ZDHHC14: variants seen among roughly 807,000 people sequenced by gnomAD.
The protein encoded by ZDHHC14 is zDHHC palmitoyltransferase 14.
ZDHHC14 carries 16 observed loss-of-function variants against 47.7 expected under a neutral mutation model. The ratio of observed to expected loss-of-function variants is 0.34; its 90% CI spans 0.23 to 0.51. The LOEUF (loss-of-function observed/expected upper bound fraction) is 0.51, where lower values mean the gene tolerates loss of function less well. Among genes scored for constraint, ZDHHC14 ranks in the 20% least tolerant of loss-of-function variants. ZDHHC14 has a pLI of 0.97. For synonymous variants in ZDHHC14, 293 were observed against 278.9 expected (o/e 1.05, Z -0.50); for missense variants, 515 against 662.5 (o/e 0.78, Z 2.44).
At chr6:157,401,247 T>C (rs143844748) in intron 1 of ZDHHC14, among the ~76,000 whole-genome samples, 4,693 of 152,308 alleles carry the variant, frequency 0.031, 79 homozygotes, top group Middle Eastern at 0.065. Context: ...AAAAAAAGCT[T>C]TTTTTTAGAA....
At chr6:157,642,565 A>G (rs992537629) in intron 5 of ZDHHC14, among the ~76,000 whole-genome samples, 2 of 152,176 alleles carry the variant, frequency 1.3e-5, no homozygotes, top group Non-Finnish European at 1.5e-5. Context: ...CACAACGGGG[A>G]CAAACTTTCT....
intron 8 of ZDHHC14, among the ~76,000 whole-genome samples, chr6:157,657,534 A>AGCC (rs1778156970): frequency 6.6e-6 from 1 of 152,110 alleles, no homozygotes; most frequent in Non-Finnish European, 1.5e-5. Flanking sequence ...CAGGCACATG[A>AGCC]TATGTGCACG....
At chr6:157,663,440 G>T (rs1364210890) in intron 8 of ZDHHC14, among the ~76,000 whole-genome samples, 1 of 152,252 alleles carries the variant, frequency 6.6e-6, no homozygotes, top group Non-Finnish European at 1.5e-5. Flanking sequence ...AGCATTGGTG[G>T]CAAGGGCCGA....
chr6:157,542,556 T>G, intron 1 of ZDHHC14, 29 bp from the exon 2 acceptor site: 4 of 1,602,382 alleles, frequency 2.5e-6, no homozygotes, highest in Non-Finnish European at 3.4e-6. Flanking sequence ...CTTTTCCCCT[T>G]CTCTCCGGTC....
intron 1 of ZDHHC14, among the ~76,000 whole-genome samples, chr6:157,431,345 G>A (rs1018201362): frequency 6.6e-6 from 1 of 152,160 alleles, no homozygotes; most frequent in African/African-American, 2.4e-5. Context: ...TCAGTGCCAG[G>A]CTCCTAGCCC....
Position 157,628,733 on chromosome 6 carries a change from C to T in ZDHHC14, c.703+247C>T, listed in dbSNP as rs536965897. 29 of 482,110 alleles carry T rather than the reference C, an allele frequency of 6.0e-5. 1 individual carries two copies. In the East Asian group the frequency reaches 1.1e-3, roughly 19 times the overall value. 29.9% of individuals were successfully genotyped at this position (482,110 alleles called of 1,614,324 possible). On this transcript the variant is annotated intron_variant, in intron 4 of 8. Coordinates refer to ENST00000359775, the MANE Select transcript of ZDHHC14 (RefSeq NM_024630.3). ...GCACTTTCCAGGGGTCGCACCTAGG[C>T]CAGGCTGCGCTTTCACCAAACAATA...
At chr6:157,661,739 C>A (rs563437075) in intron 8 of ZDHHC14, among the ~76,000 whole-genome samples, 2 of 152,326 alleles carry the variant, frequency 1.3e-5, no homozygotes, top group South Asian at 2.1e-4. Context: ...CTGAGGTTCA[C>A]CTCCCTGGCC....
chr6:157,488,345 A>G (rs1486260031), intron 1 of ZDHHC14, among the ~76,000 whole-genome samples: 2 of 152,178 alleles, frequency 1.3e-5, no homozygotes, highest in Non-Finnish European at 2.9e-5. Flanking sequence ...CTTGAACTCA[A>G]TCGAGGATTT....
chr6:157,602,690 G>A (rs545928666), intron 3 of ZDHHC14, among the ~76,000 whole-genome samples: 1 of 152,212 alleles, frequency 6.6e-6, no homozygotes, highest in South Asian at 2.1e-4. Context: ...GCCTGGCGGG[G>A]TGTGTGAAAG....
At chr6:157,479,177 G>T (rs1779560131) in intron 1 of ZDHHC14, among the ~76,000 whole-genome samples, 2 of 152,218 alleles carry the variant, frequency 1.3e-5, no homozygotes, top group South Asian at 4.1e-4. Context: ...GTGACCTTGG[G>T]CAAGTTACAT....
chr6:157,515,170 C>T (rs1780635719), intron 1 of ZDHHC14, among the ~76,000 whole-genome samples: 1 of 152,096 alleles, frequency 6.6e-6, no homozygotes, highest in Admixed American at 6.5e-5. Flanking sequence ...CACCTCATGC[C>T]AGCCACGGCG....
At chr6:157,492,731 C>G (rs1779957231) in intron 1 of ZDHHC14, among the ~76,000 whole-genome samples, 1 of 152,174 alleles carries the variant, frequency 6.6e-6, no homozygotes, top group Non-Finnish European at 1.5e-5. Flanking sequence ...CAGGTAGGTG[C>G]TGAGAGCCGG....
intron 2 of ZDHHC14, among the ~76,000 whole-genome samples, chr6:157,558,233 C>T (rs921601589): frequency 6.6e-6 from 1 of 152,212 alleles, no homozygotes; most frequent in Non-Finnish European, 1.5e-5. Flanking sequence ...TAGATCTAAA[C>T]TCCTCAACCG....
rs1777204568 is a variant in ZDHHC14 at position 157,381,328 on chromosome 6, G to T, written c.-694G>T. On this transcript the variant is annotated 5_prime_UTR_variant, in exon 1 of 9. Coordinates refer to ENST00000359775, the MANE Select transcript of ZDHHC14 (RefSeq NM_024630.3). ...CGCCGCCCTCGGCCCGCGCATCCCC[G>T]CGCGGGGGCCGCGGATTCGACTAGG... is the stretch of plus-strand genomic sequence containing the variant. The T allele has an allele frequency of 6.6e-6, 1 of 151,756 alleles. No individual in the cohort carries two copies. The highest frequency in any genetic ancestry group is 2.4e-5 in the African/African-American group (1 of 41,146). 9.4% of individuals were successfully genotyped at this position (151,756 alleles called of 1,614,324 possible). A position where few individuals can be genotyped will look rare whatever the true frequency, so the allele number is the denominator to read the frequency against.
At chr6:157,527,437 A>T (rs1026245645) in intron 1 of ZDHHC14, among the ~76,000 whole-genome samples, 4 of 152,232 alleles carry the variant, frequency 2.6e-5, no homozygotes, top group African/African-American at 9.6e-5. Flanking sequence ...AGTGCTTTGC[A>T]GAGCTTGCTC....
At chr6:157,629,507 T>A (rs2114953327) in intron 4 of ZDHHC14, 1 of 151,508 alleles carries the variant, frequency 6.6e-6, no homozygotes, top group East Asian at 2.0e-4. Flanking sequence ...CCTCCCTTTC[T>A]CTTCTGGTGG....
At chr6:157,464,495 A>C (rs1331079216) in intron 1 of ZDHHC14, among the ~76,000 whole-genome samples, 1 of 152,174 alleles carries the variant, frequency 6.6e-6, no homozygotes, top group African/African-American at 2.4e-5. Flanking sequence ...GTATTCAGTA[A>C]ATATTATTGA....
intron 1 of ZDHHC14, among the ~76,000 whole-genome samples, chr6:157,434,220 A>T (rs997536272): frequency 2.0e-5 from 3 of 148,898 alleles, no homozygotes; most frequent in African/African-American, 7.4e-5. Flanking sequence ...TTATAATTTT[A>T]TATATATATA....
intron 8 of ZDHHC14, among the ~76,000 whole-genome samples, chr6:157,671,905 T>C (rs1778814176): frequency 6.6e-6 from 1 of 152,200 alleles, no homozygotes; most frequent in South Asian, 2.1e-4. Flanking sequence ...TCAGTAGTAT[T>C]AAGTCCGTTG....
Sources: allele counts gnomAD v4.1 joint callset (sites outside exome capture counted in the v4.1 genomes callset), GRCh38; gene constraint gnomAD v4.1.1; transcripts MANE v1.5; gene names NCBI Gene and HGNC (gene_info 2026-07-23, HGNC 2026-07-21).